Variants in SLIRP observed in about 807,000 individuals in gnomAD.
SLIRP encodes SRA stem-loop interacting RNA binding protein.
SLIRP carries 12 observed loss-of-function variants against 13.4 expected under a neutral mutation model. The observed-to-expected ratio is 0.89, with a 90% CI of 0.57 to 1.45. SLIRP has a LOEUF of 1.45. Among genes scored for constraint, SLIRP ranks in the 40% most tolerant of loss-of-function variants. The pLI, the probability that SLIRP is intolerant of heterozygous loss-of-function variation, is 0.00. For synonymous variants in SLIRP, 55 were observed against 47.1 expected, an observed-to-expected ratio of 1.17 and a Z score of -0.69; for missense variants, 154 against 132.2, an observed-to-expected ratio of 1.17 and a Z score of -0.81.
intron 1 of SLIRP, among the ~76,000 whole-genome samples, chr14:77,709,972 C>T (rs2080428037): frequency 6.6e-6 from 1 of 152,028 alleles, no homozygotes; most frequent in South Asian, 2.1e-4. Flanking sequence ...AGGGAGCTTA[C>T]AATTAGTGGT....
chr14:77,708,740 T>C (rs1247543727), intron 1 of SLIRP, among the ~76,000 whole-genome samples: 1 of 152,136 alleles, frequency 6.6e-6, no homozygotes, highest in Non-Finnish European at 1.5e-5. Context: ...GAATTGTTTG[T>C]TTAGAAGTTA....
chr14:77,708,825 A>G lies in SLIRP; in HGVS notation c.97+617A>G, dbSNP rs115545314. On this transcript the variant is annotated intron_variant, in intron 1 of 3. Transcript: ENST00000557342. ...AAACTTGTGAGGTTTCCGTCAGGCA[A>G]TTGGACAAAGGTTGTATATCATTGT... is the stretch of plus-strand genomic sequence containing the variant. Among the ~76,000 whole-genome samples, 875 of 152,334 alleles carry G rather than the reference A, an allele frequency of 5.7e-3. 5 individuals carry two copies. Among genetic ancestry groups the G allele is most frequent in the African/African-American group, 0.02 (836 of 41,578 alleles).
Position 77,717,549 on chromosome 14 carries a change from GAA to G in SLIRP, c.320_321del (p.Lys107ArgfsTer?), listed in dbSNP as rs2080497302. ...KLPQTSDDEKKDF is the reference protein window; with the variant it reads ...KLPQTSDDEKXDF ...TTCCGCAAACATCTGATGATGAAAA[GAA>G]AGATTTTTGAGACTGCAGCCTATTA... On this transcript the variant is annotated frameshift_variant, in exon 4 of 4. Coordinates refer to ENST00000557342, the MANE Select transcript of SLIRP (RefSeq NM_031210.6). LOFTEE classifies it high-confidence loss of function. 6.2e-7 allele frequency: 1 copy of G among 1,613,768 alleles called. No homozygotes were observed. Among genetic ancestry groups the G allele is most frequent in the South Asian group, 1.1e-5 (1 of 91,036 alleles).
chr14:77,708,135 T>C lies in SLIRP; in HGVS notation c.24T>C (p.Gly8=), dbSNP rs764051781. ...AGATGGCGGCCTCAGCAGCGAGAGG[T>C]GCTGCGGCGCTGCGTAGAAGTATCA... The part of the protein sequence containing the change: MAASAAR[G]AAALRRSINQ... Residue 8 remains glycine, a synonymous_variant, in exon 1 of 4, where the codon GGT becomes GGC. Transcript: ENST00000557342. 23 of 1,614,074 alleles carry C rather than the reference T, an allele frequency of 1.4e-5. No homozygotes were observed. The highest frequency in any genetic ancestry group is 4.5e-5 in the East Asian group (2 of 44,870).
At chr14:77,708,426 G>A (rs1367741122) in intron 1 of SLIRP, among the ~76,000 whole-genome samples, 1 of 152,212 alleles carries the variant, frequency 6.6e-6, no homozygotes, top group Non-Finnish European at 1.5e-5. Flanking sequence ...GCCTTTAGGA[G>A]TGATTTGGTG....
intron 2 of SLIRP, among the ~76,000 whole-genome samples, chr14:77,711,207 A>G (rs936945405): frequency 8.3e-5 from 12 of 144,826 alleles, no homozygotes; most frequent in African/African-American, 2.6e-4. Flanking sequence ...ATACATATTT[A>G]TATATATAAA....
chr14:77,709,192 A>G (rs936448612), intron 1 of SLIRP, among the ~76,000 whole-genome samples: 1 of 152,146 alleles, frequency 6.6e-6, no homozygotes, highest in African/African-American at 2.4e-5. Context: ...ACCACCTTCA[A>G]TTTTTGTCAG....
chr14:77,714,514 TG>T (rs1455243663), intron 2 of SLIRP, among the ~76,000 whole-genome samples: 3 of 152,242 alleles, frequency 2.0e-5, no homozygotes, highest in African/African-American at 2.4e-5. Context: ...TTGGCCAGGC[TG>T]GTCCCAAACT....
intron 3 of SLIRP, among the ~76,000 whole-genome samples, chr14:77,716,848 G>A (rs1479015098): frequency 6.6e-5 from 10 of 151,814 alleles, no homozygotes; most frequent in East Asian, 3.9e-4. Context: ...TGCAACCTCC[G>A]CCTCCTGGGT....
intron 1 of SLIRP, 98 bp from the exon 2 acceptor site, chr14:77,710,740 C>T: frequency 6.3e-7 from 1 of 1,583,316 alleles, no homozygotes; most frequent in Non-Finnish European, 8.6e-7. Flanking sequence ...CAAAGTAGTT[C>T]CTGTCCACAA....
intron 3 of SLIRP, chr14:77,716,485 TA>T (rs2080481524): frequency 6.7e-6 from 1 of 150,032 alleles, no homozygotes; most frequent in African/African-American, 2.5e-5. Flanking sequence ...CCATCTCTAC[TA>T]AAAATACAAA....
intron 3 of SLIRP, among the ~76,000 whole-genome samples, chr14:77,716,856 G>A (rs2080487891): frequency 6.6e-6 from 1 of 151,918 alleles, no homozygotes; most frequent in Non-Finnish European, 1.5e-5. Context: ...CCGCCTCCTG[G>A]GTTCAAGCGA....
rs176953 is a variant in SLIRP at position 77,714,500 on chromosome 14, T to G, written c.157-1272T>G. 2.0e-5 allele frequency among the ~76,000 whole-genome samples: 3 copies of G among 152,098 alleles called. 1 individual carries two copies. The highest frequency in any genetic ancestry group is 7.2e-5 in the African/African-American group (3 of 41,438). ...ATTTTTAGTAGAGATGGAGTTTCACTATGTTGGCCAGGCTGGTCCCAAACT... is the reference window on the plus strand; with the variant it reads ...ATTTTTAGTAGAGATGGAGTTTCACGATGTTGGCCAGGCTGGTCCCAAACT... On this transcript the variant is annotated intron_variant, in intron 2 of 3. Transcript: ENST00000557342.
intron 3 of SLIRP, among the ~76,000 whole-genome samples, chr14:77,716,830 T>C (rs936695710): frequency 6.6e-6 from 1 of 151,950 alleles, no homozygotes. Context: ...GGTGCAATCT[T>C]GGATCACTGC....
At chr14:77,710,743 G>T in intron 1 of SLIRP, 95 bp from the exon 2 acceptor site, 4 of 1,581,758 alleles carry the variant, frequency 2.5e-6, no homozygotes, top group Non-Finnish European at 3.5e-6. Flanking sequence ...AGTAGTTCCT[G>T]TCCACAAGAA....
At chr14:77,709,671 T>C (rs1277157260) in intron 1 of SLIRP, among the ~76,000 whole-genome samples, 1 of 152,264 alleles carries the variant, frequency 6.6e-6, no homozygotes, top group Non-Finnish European at 1.5e-5. Flanking sequence ...TTCACCATTT[T>C]AGGCAATTTA....
chr14:77,708,505 A>G (rs917538680), intron 1 of SLIRP, among the ~76,000 whole-genome samples: 1 of 152,190 alleles, frequency 6.6e-6, no homozygotes, highest in Non-Finnish European at 1.5e-5. Flanking sequence ...AGTGTGGAGG[A>G]TGGATTCAAG....
chr14:77,711,804 A>C (rs1389059465), intron 2 of SLIRP: 6 of 152,210 alleles, frequency 3.9e-5, no homozygotes, highest in African/African-American at 1.2e-4. Context: ...AGCTATCCGC[A>C]CACCTCGGCC....
intron 3 of SLIRP, 59 bp downstream of exon 3, chr14:77,715,938 T>C: frequency 8.1e-7 from 1 of 1,232,176 alleles, no homozygotes. Flanking sequence ...TATTTAATTA[T>C]GTATCAATTA....
Sources: allele counts gnomAD v4.1 joint callset (sites outside exome capture counted in the v4.1 genomes callset), GRCh38; gene constraint gnomAD v4.1.1; transcripts MANE v1.5; gene names NCBI Gene and HGNC (gene_info 2026-07-23, HGNC 2026-07-21).